Variants in ARHGAP15 observed in about 807,000 individuals in gnomAD.
The protein encoded by ARHGAP15 is rho GTPase-activating protein 15.
ARHGAP15 carries 51 observed loss-of-function variants against 63.7 expected under a neutral mutation model. That is an observed-to-expected ratio of 0.80 (90% CI 0.64 to 1.01). The LOEUF (loss-of-function observed/expected upper bound fraction) is 1.01. Ranked by LOEUF, ARHGAP15 falls within the 50% of genes least tolerant of loss-of-function variation. The pLI is 0.00. For synonymous variants in ARHGAP15, 191 were observed against 193.8 expected, an observed-to-expected ratio of 0.99 and a Z score of 0.12; for missense variants, 560 against 564.6, an observed-to-expected ratio of 0.99 and a Z score of 0.08.
intron 12 of ARHGAP15, among the ~76,000 whole-genome samples, chr2:143,631,937 A>AGTT (rs1232881691): frequency 6.6e-6 from 1 of 152,004 alleles, no homozygotes; most frequent in Non-Finnish European, 1.5e-5. Context: ...TAGGCATTGC[A>AGTT]GTTATTATTT....
chr2:143,445,788 T>C (rs1042972243), intron 8 of ARHGAP15, among the ~76,000 whole-genome samples: 1 of 152,202 alleles, frequency 6.6e-6, no homozygotes, highest in African/African-American at 2.4e-5. Flanking sequence ...TCATAGTTAT[T>C]CTTGCAGCTC....
intron 6 of ARHGAP15, among the ~76,000 whole-genome samples, chr2:143,419,493 C>A (rs1324467634): frequency 1.2e-5 from 1 of 80,538 alleles, no homozygotes; most frequent in Non-Finnish European, 2.8e-5. Flanking sequence ...GAAGACACTT[C>A]AATTTATTAA....
At chr2:143,133,566 C>T (rs1242712994) in intron 1 of ARHGAP15, among the ~76,000 whole-genome samples, 1 of 152,128 alleles carries the variant, frequency 6.6e-6, no homozygotes, top group East Asian at 1.9e-4. Context: ...ACTGACTTAC[C>T]TGTTCAGGTG....
At chr2:143,746,741 TCAA>T (rs778924733) in intron 13 of ARHGAP15, among the ~76,000 whole-genome samples, 21 of 152,014 alleles carry the variant, frequency 1.4e-4, no homozygotes, top group Non-Finnish European at 2.9e-4. Flanking sequence ...ATAAAACATA[TCAA>T]CAACAATGTA....
intron 10 of ARHGAP15, among the ~76,000 whole-genome samples, chr2:143,544,687 A>G (rs1220978817): frequency 6.6e-6 from 1 of 152,202 alleles, no homozygotes; most frequent in Non-Finnish European, 1.5e-5. Context: ...GCTACATAGT[A>G]AGTACCTACA....
At chr2:143,279,556 C>A (rs75755089) in intron 6 of ARHGAP15, among the ~76,000 whole-genome samples, 9,525 of 152,150 alleles carry the variant, frequency 0.063, 438 homozygotes, top group East Asian at 0.21. Flanking sequence ...TTGAATCTCT[C>A]ATAAATCTTG....
intron 6 of ARHGAP15, among the ~76,000 whole-genome samples, chr2:143,332,433 T>C (rs1480079692): frequency 6.6e-6 from 1 of 152,052 alleles, no homozygotes; most frequent in Non-Finnish European, 1.5e-5. Context: ...TTGAGATCTT[T>C]TATGCTTTAT....
chr2:143,331,946 A>G (rs1346027615), intron 6 of ARHGAP15, among the ~76,000 whole-genome samples: 1 of 152,188 alleles, frequency 6.6e-6, no homozygotes, highest in Non-Finnish European at 1.5e-5. Flanking sequence ...TTTACAAAGC[A>G]TACATTTCTA....
intron 6 of ARHGAP15, among the ~76,000 whole-genome samples, chr2:143,255,447 G>A (rs1033778344): frequency 6.6e-6 from 1 of 151,928 alleles, no homozygotes; most frequent in East Asian, 1.9e-4. Flanking sequence ...TCTGACTTTG[G>A]ATGGAGTCTT....
intron 11 of ARHGAP15, among the ~76,000 whole-genome samples, chr2:143,615,024 A>G (rs957771972): frequency 6.6e-6 from 1 of 152,212 alleles, no homozygotes; most frequent in Non-Finnish European, 1.5e-5. Context: ...TGTAAAATTT[A>G]TACATCTCCC....
chr2:143,682,891 T>C (rs183861900), intron 12 of ARHGAP15: 3 of 152,316 alleles, frequency 2.0e-5, no homozygotes, highest in African/African-American at 7.2e-5. Flanking sequence ...AATCTGCCAG[T>C]CTGGTGTAAT....
At chr2:143,511,111 A>T (rs1404512564) in intron 9 of ARHGAP15, among the ~76,000 whole-genome samples, 2 of 152,362 alleles carry the variant, frequency 1.3e-5, no homozygotes, top group African/African-American at 4.8e-5. Context: ...AATCTGGAAG[A>T]CTTAACCTGG....
At chr2:143,323,754 G>C (rs1684124881) in intron 6 of ARHGAP15, among the ~76,000 whole-genome samples, 1 of 151,706 alleles carries the variant, frequency 6.6e-6, no homozygotes, top group Non-Finnish European at 1.5e-5. Flanking sequence ...GGGCGTTGTG[G>C]CGGACACCTG....
intron 6 of ARHGAP15, among the ~76,000 whole-genome samples, chr2:143,316,348 T>C (rs1683707942): frequency 6.6e-6 from 1 of 151,616 alleles, no homozygotes. Flanking sequence ...AAATCTGTAT[T>C]CTGCCAAGAT....
At chr2:143,332,173 T>C (rs1047347736) in intron 6 of ARHGAP15, among the ~76,000 whole-genome samples, 2 of 152,166 alleles carry the variant, frequency 1.3e-5, no homozygotes, top group Non-Finnish European at 2.9e-5. Flanking sequence ...AACAAAGAAA[T>C]TGATGTCCTG....
intron 13 of ARHGAP15, among the ~76,000 whole-genome samples, chr2:143,721,732 G>A (rs1374763022): frequency 6.6e-6 from 1 of 152,028 alleles, no homozygotes; most frequent in African/African-American, 2.4e-5. Context: ...TGTCGCCTAG[G>A]CTGGAGTGCA....
intron 8 of ARHGAP15, among the ~76,000 whole-genome samples, chr2:143,485,262 C>A (rs1187291845): frequency 3.9e-5 from 6 of 151,996 alleles, no homozygotes; most frequent in Admixed American, 3.9e-4. Flanking sequence ...CCTTGAAAGG[C>A]CCTGGTGTGT....
At chr2:143,486,534 T>C (rs1382436662) in intron 8 of ARHGAP15, among the ~76,000 whole-genome samples, 1 of 151,646 alleles carries the variant, frequency 6.6e-6, no homozygotes, top group East Asian at 2.0e-4. Context: ...ACCACTACAC[T>C]CCAGCCTGGG....
intron 6 of ARHGAP15, among the ~76,000 whole-genome samples, chr2:143,425,609 CAGTT>C (rs897363198): frequency 3.9e-5 from 6 of 151,986 alleles, no homozygotes; most frequent in African/African-American, 1.4e-4. Flanking sequence ...TTTGAGTAAA[CAGTT>C]AGGAATGTTC....
Sources: allele counts gnomAD v4.1 joint callset (sites outside exome capture counted in the v4.1 genomes callset), GRCh38; gene constraint gnomAD v4.1.1; transcripts MANE v1.5; gene names NCBI Gene and HGNC (gene_info 2026-07-23, HGNC 2026-07-21).